Variants in FRMPD4 observed in about 807,000 individuals in gnomAD.
FRMPD4 encodes FERM and PDZ domain containing 4.
FRMPD4 carries 22 observed loss-of-function variants against 94.1 expected under a neutral mutation model. The observed-to-expected ratio is 0.23, with a 90% CI of 0.17 to 0.33. The LOEUF (loss-of-function observed/expected upper bound fraction) is 0.33. Among genes scored for constraint, FRMPD4 ranks in the 10% least tolerant of loss-of-function variants. FRMPD4 has a pLI of 1.00. For synonymous variants in FRMPD4, 631 were observed against 548.6 expected (o/e 1.15, Z -2.10); for missense variants, 1,111 against 1,339.9 (o/e 0.83, Z 2.67).
chrX:12,387,641 T>A (rs921996610), intron 1 of FRMPD4, among the ~76,000 whole-genome samples: 1 of 111,490 alleles, frequency 9.0e-6, no homozygotes, highest in Admixed American at 9.5e-5. Context: ...AAAAATTATG[T>A]TAATAATGCA....
At chrX:12,193,040 T>C (rs747180643) in intron 1 of FRMPD4, among the ~76,000 whole-genome samples, 68 of 111,050 alleles carry the variant, frequency 6.1e-4, no homozygotes, top group Non-Finnish European at 7.6e-4. Flanking sequence ...AAAAATAGAG[T>C]GCGCAACTTC....
chrX:12,026,156 G>A (rs1371765891), intron 3 of FRMPD4, among the ~76,000 whole-genome samples: 2 of 110,914 alleles, frequency 1.8e-5, no homozygotes, highest in African/African-American at 3.3e-5. Flanking sequence ...TTCTATCTCC[G>A]TTGGCATACA....
At chrX:12,498,820 C>G (rs2057883834) in intron 2 of FRMPD4, 24 bp downstream of exon 2, 1 of 810,606 alleles carries the variant, frequency 1.2e-6, no homozygotes, top group Non-Finnish European at 1.8e-6. Flanking sequence ...ATGGCATGAA[C>G]AATAGAATCC....
chrX:12,546,696 T>A (rs1459237064), intron 2 of FRMPD4, among the ~76,000 whole-genome samples: 1 of 110,110 alleles, frequency 9.1e-6, no homozygotes, highest in Non-Finnish European at 1.9e-5. Flanking sequence ...AAAGGGATAT[T>A]TTTTCCCCAG....
intron 1 of FRMPD4, among the ~76,000 whole-genome samples, chrX:12,309,894 C>T (rs998662540): frequency 8.9e-6 from 1 of 112,370 alleles, no homozygotes; most frequent in African/African-American, 3.2e-5. Context: ...GTGAGAGTTG[C>T]TGATTGAATC....
chrX:12,472,069 C>T (rs1049200178), intron 1 of FRMPD4, among the ~76,000 whole-genome samples: 2 of 112,307 alleles, frequency 1.8e-5, no homozygotes, highest in African/African-American at 6.5e-5. Flanking sequence ...AAAACAGAGA[C>T]AAGAAATTAG....
At chrX:12,187,525 G>A (rs1380873804) in intron 1 of FRMPD4, among the ~76,000 whole-genome samples, 1 of 110,928 alleles carries the variant, frequency 9.0e-6, no homozygotes. Context: ...TGATATTCTT[G>A]GGCAGTTTTT....
chrX:12,016,466 T>A (rs145351934), intron 3 of FRMPD4, among the ~76,000 whole-genome samples: 2 of 112,115 alleles, frequency 1.8e-5, no homozygotes, highest in Admixed American at 1.9e-4. Flanking sequence ...TTCCTGCAAA[T>A]GTGTTTCTCC....
Position 12,724,357 on chromosome X carries a change from C to A in FRMPD4, c.*2499C>A, listed in dbSNP as rs2042294076. The A allele has an allele frequency of 1.8e-5, 2 of 111,691 alleles. No individual in the cohort carries two copies. The highest frequency in any genetic ancestry group is 7.6e-4 in the South Asian group (2 of 2,647). 9.2% of individuals were successfully genotyped at this position (111,691 alleles called of 1,213,427 possible). A position where few individuals can be genotyped will look rare whatever the true frequency, so the allele number is the denominator to read the frequency against. Reference sequence around the variant, plus strand: ...CCCCACATTCACTAAGCATGGGGCTCCTAACTGGGGTCCAGGTCCATAGAG... The same window carrying A: ...CCCCACATTCACTAAGCATGGGGCTACTAACTGGGGTCCAGGTCCATAGAG... On this transcript the variant is annotated 3_prime_UTR_variant, in exon 17 of 17. Transcript: ENST00000675598.
intron 2 of FRMPD4, among the ~76,000 whole-genome samples, chrX:12,604,819 C>G (rs1197308581): frequency 9.0e-6 from 1 of 111,390 alleles, no homozygotes; most frequent in Non-Finnish European, 1.9e-5. Context: ...TCCTCCCACC[C>G]TTCACCCTCA....
At chrX:12,040,742 G>A (rs1308978966) in intron 3 of FRMPD4, among the ~76,000 whole-genome samples, 2 of 107,568 alleles carry the variant, frequency 1.9e-5, no homozygotes, top group African/African-American at 6.8e-5. Flanking sequence ...TGTTCGCCAG[G>A]ATGGTCTCAA....
intron 4 of FRMPD4, among the ~76,000 whole-genome samples, chrX:12,629,533 T>C (rs2059376944): frequency 8.9e-6 from 1 of 112,431 alleles, no homozygotes; most frequent in Non-Finnish European, 1.9e-5. Flanking sequence ...TGAAGACCTA[T>C]CTTATACAAT....
chrX:11,912,895 G>A (rs762002852), intron 3 of FRMPD4, among the ~76,000 whole-genome samples: 1 of 111,532 alleles, frequency 9.0e-6, no homozygotes, highest in Non-Finnish European at 1.9e-5. Context: ...ATGGGATTGG[G>A]TACTGCAGTT....
At chrX:11,998,373 G>C (rs2054507546) in intron 3 of FRMPD4, among the ~76,000 whole-genome samples, 1 of 111,686 alleles carries the variant, frequency 9.0e-6, no homozygotes, top group Non-Finnish European at 1.9e-5. Context: ...AACTTGGGAA[G>C]CAGAACCAAA....
At chrX:12,475,597 T>G (rs2057585547) in intron 1 of FRMPD4, among the ~76,000 whole-genome samples, 1 of 112,154 alleles carries the variant, frequency 8.9e-6, no homozygotes, top group African/African-American at 3.2e-5. Context: ...CTTAAGCTGA[T>G]AAGCAACTTC....
At chrX:12,314,142 C>G (rs767135454) in intron 1 of FRMPD4, among the ~76,000 whole-genome samples, 1 of 112,525 alleles carries the variant, frequency 8.9e-6, no homozygotes, top group Non-Finnish European at 1.9e-5. Flanking sequence ...GTTCAATCAA[C>G]TAATTACTGA....
chrX:11,829,061 C>T (rs780671772), intron 1 of FRMPD4, among the ~76,000 whole-genome samples: 13 of 112,212 alleles, frequency 1.2e-4, no homozygotes, highest in Admixed American at 9.4e-5. Flanking sequence ...GGAGGAGGGT[C>T]AGCCTTTTTG....
intron 1 of FRMPD4, among the ~76,000 whole-genome samples, chrX:12,377,223 G>T (rs1245286441): frequency 8.9e-6 from 1 of 112,202 alleles, no homozygotes; most frequent in Non-Finnish European, 1.9e-5. Flanking sequence ...CAATTTTAAG[G>T]GGGACAAAAA....
chrX:12,285,470 C>G (rs951629609), intron 1 of FRMPD4, among the ~76,000 whole-genome samples: 7 of 110,739 alleles, frequency 6.3e-5, no homozygotes, highest in African/African-American at 2.3e-4. Context: ...GTGGAAGTGA[C>G]TAAGAGTCAG....
Sources: gnomAD v4.1 joint callset for allele counts (sites outside exome capture counted in the v4.1 genomes callset) on GRCh38, gnomAD v4.1.1 for gene constraint, MANE v1.5 for transcripts, NCBI Gene and HGNC (gene_info 2026-07-23, HGNC 2026-07-21) for gene names.